GRIN2A: variants seen among roughly 807,000 people sequenced by gnomAD.
GRIN2A encodes the protein glutamate ionotropic receptor NMDA type subunit 2A.
Under a neutral mutation model 113.4 loss-of-function variants are expected in GRIN2A, and 22 were observed. That is an observed-to-expected ratio of 0.19 (90% confidence interval 0.14 to 0.28). The LOEUF (loss-of-function observed/expected upper bound fraction) is 0.28. Ranked by LOEUF, GRIN2A falls within the 10% of genes least tolerant of loss-of-function variation. The pLI is 1.00. For synonymous variants in GRIN2A, 827 were observed against 738.4 expected, an observed-to-expected ratio of 1.12 and a Z score of -1.94; for missense variants, 1,502 against 1,887.0, an observed-to-expected ratio of 0.80 and a Z score of 3.78.
At chr16:10,172,939 C>T (rs967302768) in intron 2 of GRIN2A, among the ~76,000 whole-genome samples, 1 of 152,178 alleles carries the variant, frequency 6.6e-6, no homozygotes, top group African/African-American at 2.4e-5. Context: ...CTCTTTCTCT[C>T]TCTTTCCCCA....
chr16:9,767,193 T>C (rs190517521), intron 12 of GRIN2A, among the ~76,000 whole-genome samples: 14 of 152,298 alleles, frequency 9.2e-5, no homozygotes, highest in Non-Finnish European at 8.8e-5. Context: ...TTAGATGCCA[T>C]CAAGCTAATT....
At chr16:9,854,660 G>A (rs975160169) in intron 4 of GRIN2A, among the ~76,000 whole-genome samples, 1 of 152,068 alleles carries the variant, frequency 6.6e-6, no homozygotes, top group African/African-American at 2.4e-5. Flanking sequence ...CCTTTTTCCT[G>A]TTCCCAATCC....
intron 2 of GRIN2A, chr16:9,970,759 G>A (rs1024228756): frequency 2.1e-6 from 2 of 966,496 alleles, no homozygotes; most frequent in African/African-American, 3.5e-5. Context: ...AAAATTACAG[G>A]CTGGTAAACT....
chr16:10,088,869 G>C (rs2048132416), intron 2 of GRIN2A, among the ~76,000 whole-genome samples: 1 of 152,170 alleles, frequency 6.6e-6, no homozygotes, highest in African/African-American at 2.4e-5. Flanking sequence ...TTCCAACTAG[G>C]ATCAAGGGAA....
intron 4 of GRIN2A, among the ~76,000 whole-genome samples, chr16:9,881,034 CT>C (rs2043471249): frequency 6.6e-6 from 1 of 152,194 alleles, no homozygotes; most frequent in South Asian, 2.1e-4. Flanking sequence ...AGGAAATTTT[CT>C]TTGACAAATA....
At chr16:9,992,973 T>C (rs949162666) in intron 2 of GRIN2A, among the ~76,000 whole-genome samples, 1 of 151,902 alleles carries the variant, frequency 6.6e-6, no homozygotes, top group Non-Finnish European at 1.5e-5. Flanking sequence ...CCCAGCGCTT[T>C]GGGAGGCCAA....
At chr16:9,922,726 C>A (rs1020220436) in intron 3 of GRIN2A, among the ~76,000 whole-genome samples, 2 of 152,176 alleles carry the variant, frequency 1.3e-5, no homozygotes, top group South Asian at 4.2e-4. Context: ...AGTAAAGAGT[C>A]GTTTTTATTT....
intron 2 of GRIN2A, among the ~76,000 whole-genome samples, chr16:9,974,614 G>A (rs189312186): frequency 1.2e-4 from 18 of 152,250 alleles, no homozygotes; most frequent in Admixed American, 9.8e-4. Context: ...CTTTAACTCC[G>A]TGTCTGAGGA....
intron 2 of GRIN2A, among the ~76,000 whole-genome samples, chr16:10,001,628 T>C (rs921370948): frequency 6.6e-6 from 1 of 152,188 alleles, no homozygotes; most frequent in African/African-American, 2.4e-5. Context: ...AGCCCTCCAA[T>C]AAAATCTCCC....
intron 2 of GRIN2A, among the ~76,000 whole-genome samples, chr16:10,012,558 C>T (rs2046526666): frequency 6.6e-6 from 1 of 152,072 alleles, no homozygotes; most frequent in Non-Finnish European, 1.5e-5. Context: ...AACAATGGCC[C>T]CCAAAGGTGT....
chr16:9,878,994 C>T (rs1177703987), intron 4 of GRIN2A, among the ~76,000 whole-genome samples: 1 of 152,094 alleles, frequency 6.6e-6, no homozygotes, highest in Admixed American at 6.6e-5. Flanking sequence ...ACATATTGTA[C>T]TGTGTGAGTA....
chr16:10,129,382 AC>A (rs1320197249), intron 2 of GRIN2A, among the ~76,000 whole-genome samples: 5 of 151,504 alleles, frequency 3.3e-5, no homozygotes, highest in Admixed American at 6.6e-5. Context: ...TAAAAAAAAA[AC>A]AAAACACTAA....
intron 2 of GRIN2A, among the ~76,000 whole-genome samples, chr16:10,148,000 A>G (rs192626407): frequency 3.9e-5 from 6 of 152,270 alleles, no homozygotes; most frequent in South Asian, 4.1e-4. Flanking sequence ...GACATAATGG[A>G]GAATTCCTTT....
At chr16:10,139,650 C>T (rs997884629) in intron 2 of GRIN2A, among the ~76,000 whole-genome samples, 2 of 151,986 alleles carry the variant, frequency 1.3e-5, no homozygotes, top group African/African-American at 4.8e-5. Context: ...GTTAAAAAGG[C>T]AAGTATGCAA....
At chr16:9,823,623 C>T (rs2042330375) in intron 9 of GRIN2A, among the ~76,000 whole-genome samples, 1 of 152,190 alleles carries the variant, frequency 6.6e-6, no homozygotes, top group Non-Finnish European at 1.5e-5. Flanking sequence ...GGGTCCAGCA[C>T]TATGCCAAGA....
chr16:10,008,327 A>G (rs2046441185), intron 2 of GRIN2A, among the ~76,000 whole-genome samples: 1 of 152,228 alleles, frequency 6.6e-6, no homozygotes, highest in Non-Finnish European at 1.5e-5. Flanking sequence ...TGAGATATCC[A>G]TCTTCTAATA....
intron 5 of GRIN2A, among the ~76,000 whole-genome samples, chr16:9,848,568 A>C (rs2042817866): frequency 6.7e-6 from 1 of 150,014 alleles, no homozygotes; most frequent in Non-Finnish European, 1.5e-5. Flanking sequence ...TAATGTATAA[A>C]ATATGATGTT....
chr16:9,786,348 C>T (rs1355101181), intron 11 of GRIN2A, among the ~76,000 whole-genome samples: 6 of 152,136 alleles, frequency 3.9e-5, no homozygotes, highest in Admixed American at 6.5e-5. Context: ...CCCAAACTGG[C>T]AGGGTTGAAT....
chr16:10,132,774 G>A, intron 2 of GRIN2A, among the ~76,000 whole-genome samples: 1 of 152,190 alleles, frequency 6.6e-6, no homozygotes, highest in East Asian at 1.9e-4. Context: ...AGAAGACCTG[G>A]CACTTAACAG....
Sources: gnomAD v4.1 joint callset for allele counts (sites outside exome capture counted in the v4.1 genomes callset) on GRCh38, gnomAD v4.1.1 for gene constraint, MANE v1.5 for transcripts, NCBI Gene and HGNC (gene_info 2026-07-23, HGNC 2026-07-21) for gene names.